Variants in CLPTM1L observed in about 807,000 individuals in gnomAD.
CLPTM1L encodes CLPTM1 like.
Under a neutral mutation model 70.9 loss-of-function variants are expected in CLPTM1L, and 38 were observed. That is an observed-to-expected ratio of 0.54 (90% confidence interval 0.41 to 0.70). CLPTM1L has a LOEUF of 0.70. Ranked by LOEUF, CLPTM1L falls within the 30% of genes least tolerant of loss-of-function variation. CLPTM1L has a pLI of 0.00. For missense variants in CLPTM1L, 652 were observed against 705.9 expected, an observed-to-expected ratio of 0.92 and a Z score of 0.87; for synonymous variants, 339 against 299.9, an observed-to-expected ratio of 1.13 and a Z score of -1.35.
At chr5:1,323,644 G>A (rs1032929554) in intron 12 of CLPTM1L, 143 bp downstream of exon 12, 5 of 656,420 alleles carry the variant, frequency 7.6e-6, no homozygotes, top group Non-Finnish European at 2.7e-6. Context: ...GTGTGCAGCT[G>A]CAGGGGCAGG....
intron 2 of CLPTM1L, 128 bp from the exon 3 acceptor site, chr5:1,341,988 C>G: frequency 1.4e-6 from 1 of 709,178 alleles, no homozygotes; most frequent in South Asian, 1.9e-5. Context: ...ATGAAACCCA[C>G]CTGCCCAGGG....
At chr5:1,328,827 GCATCCAGCTCCTCCTCTACAGACACATTT>G (rs1426441644) in intron 9 of CLPTM1L, among the ~76,000 whole-genome samples, 6 of 56,202 alleles carry the variant, frequency 1.1e-4, no homozygotes, top group Admixed American at 1.9e-4. Flanking sequence ...CAGACACATT[GCATCCAGCTCCTCCTCTACAGACACATTT>G]CATCCAGCTC....
rs1239770008 is a variant in CLPTM1L at position 1,326,709 on chromosome 5, C to T, written c.1081-893G>A. On this transcript the variant is annotated intron_variant, in intron 9 of 16. Transcript: ENST00000320895. ...CAGCTCCTCCTCTACGGGGACATTCCATCCAGCTCCTCCTCTACGGGGACA... is the reference window on the plus strand; with the variant it reads ...CAGCTCCTCCTCTACGGGGACATTCTATCCAGCTCCTCCTCTACGGGGACA... Among the ~76,000 whole-genome samples, 4 of 151,824 alleles carry T rather than the reference C, an allele frequency of 2.6e-5. 1 individual carries two copies. The highest frequency in any genetic ancestry group is 2.6e-4 in the Admixed American group (4 of 15,244).
intron 5 of CLPTM1L, among the ~76,000 whole-genome samples, chr5:1,336,929 T>C (rs1188856779): frequency 6.6e-6 from 1 of 152,142 alleles, no homozygotes; most frequent in Non-Finnish European, 1.5e-5. Context: ...TGCTCGCTTC[T>C]CCGTTTCCCA....
intron 16 of CLPTM1L, among the ~76,000 whole-genome samples, chr5:1,319,977 G>T (rs1752055797): frequency 6.6e-6 from 1 of 152,254 alleles, no homozygotes; most frequent in African/African-American, 2.4e-5. Flanking sequence ...GTCAGCCCTG[G>T]AGGGAAGCGG....
chr5:1,323,013 C>A, intron 12 of CLPTM1L, 102 bp from the exon 13 acceptor site: 1 of 1,177,826 alleles, frequency 8.5e-7, no homozygotes, highest in Non-Finnish European at 1.3e-6. Flanking sequence ...TCTGAAAATA[C>A]CCAGATGCTC....
chr5:1,341,366 T>A (rs1228916209), intron 3 of CLPTM1L, among the ~76,000 whole-genome samples: 1 of 152,188 alleles, frequency 6.6e-6, no homozygotes, highest in East Asian at 1.9e-4. Context: ...GGACCAGCGC[T>A]CCATCCCACC....
At chr5:1,335,989 G>A (rs56224111) in intron 5 of CLPTM1L, among the ~76,000 whole-genome samples, 2,731 of 152,358 alleles carry the variant, frequency 0.018, 38 homozygotes, top group Non-Finnish European at 0.028. Flanking sequence ...CGAGGGCTGT[G>A]CTCTAATCCA....
chr5:1,341,509 GC>G (rs1297813631), intron 3 of CLPTM1L, among the ~76,000 whole-genome samples, 161 bp downstream of exon 3: 1 of 152,236 alleles, frequency 6.6e-6, no homozygotes, highest in Non-Finnish European at 1.5e-5. Flanking sequence ...ATATGATTCA[GC>G]TGAAAGTCAG....
intron 11 of CLPTM1L, 74 bp downstream of exon 11, chr5:1,324,689 G>C: frequency 2.2e-6 from 3 of 1,350,788 alleles, no homozygotes; most frequent in Non-Finnish European, 3.2e-6. Context: ...ACTGAGCAAT[G>C]ACAGTAAAAG....
In CLPTM1L at chr5:1,318,745, T is replaced by C. The variant is rs972766403; in HGVS notation, c.1533-292A>G. 3.3e-5 allele frequency among the ~76,000 whole-genome samples: 5 copies of C among 152,238 alleles called. No individual in the cohort carries two copies. The highest frequency in any genetic ancestry group is 1.9e-4 in the East Asian group (1 of 5,166). On this transcript the variant is annotated intron_variant, in intron 16 of 16. Transcript: ENST00000320895. The surrounding 1 kb of genome is among the most constrained non-coding windows in gnomAD (Gnocchi z 8.9). ...ATGGCTGAAGGGGGGACCCGGAGGC[T>C]GCACGGGCTGCCTTCTGGGAACGGT...
chr5:1,326,818 G>GACATTTCATCCAGCTCCTCCTCGACAGAC (rs1561234271), intron 9 of CLPTM1L, among the ~76,000 whole-genome samples: 9 of 127,308 alleles, frequency 7.1e-5, no homozygotes, highest in Non-Finnish European at 1.5e-4. Context: ...CCCCTACAGG[G>GACATTTCATCCAGCTCCTCCTCGACAGAC]ACATTTCATC....
intron 7 of CLPTM1L, among the ~76,000 whole-genome samples, 182 bp downstream of exon 7, chr5:1,334,107 G>A (rs1251390235): frequency 3.3e-5 from 5 of 152,274 alleles, no homozygotes; most frequent in South Asian, 2.1e-4. Context: ...GGGAGAAACC[G>A]CCCACTGGGA....
In CLPTM1L at chr5:1,334,778, C is replaced by CA. The variant is rs1428427042; in HGVS notation, c.796+278dup. 3.9e-5 allele frequency among the ~76,000 whole-genome samples: 6 copies of CA among 152,002 alleles called. 1 individual carries two copies. The highest frequency in any genetic ancestry group is 7.3e-5 in the African/African-American group (3 of 41,364). On this transcript the variant is annotated intron_variant, in intron 6 of 16. Transcript: ENST00000320895. ...CAAAACAAACAAACAAACAAACAAA[C>CA]AAACAATAAAAATAAATCTCATCAA... is the stretch of plus-strand genomic sequence containing the variant.
chr5:1,339,508 G>T, intron 3 of CLPTM1L, among the ~76,000 whole-genome samples: 1 of 127,490 alleles, frequency 7.8e-6, no homozygotes. Flanking sequence ...CTGTGCCCGG[G>T]ACAGCAGGGT....
intron 2 of CLPTM1L, 137 bp downstream of exon 2, chr5:1,344,214 G>C: frequency 1.5e-6 from 1 of 682,972 alleles, no homozygotes; most frequent in Non-Finnish European, 2.6e-6. Flanking sequence ...CTCCAGTTAG[G>C]ATATTCTACC....
At chr5:1,332,268 G>A in intron 7 of CLPTM1L, 1 of 199,916 alleles carries the variant, frequency 5.0e-6, no homozygotes, top group Non-Finnish European at 1.0e-5. Context: ...GCTGGGCATG[G>A]TGGCCCATGC....
intron 12 of CLPTM1L, 48 bp downstream of exon 12, chr5:1,323,739 C>T (rs1452905454): frequency 3.3e-6 from 5 of 1,535,958 alleles, no homozygotes; most frequent in African/African-American, 1.4e-5. Context: ...ATCCAAATGG[C>T]TTTCTCAGGG....
At chr5:1,336,995 A>G (rs1308093231) in intron 5 of CLPTM1L, among the ~76,000 whole-genome samples, 1 of 152,194 alleles carries the variant, frequency 6.6e-6, no homozygotes, top group Non-Finnish European at 1.5e-5. Flanking sequence ...TTCCTCTTCA[A>G]CAAAAAAGGG....
Sources: gnomAD v4.1 joint callset for allele counts (sites outside exome capture counted in the v4.1 genomes callset) on GRCh38, gnomAD v4.1.1 for gene constraint, Gnocchi (gnomAD v3.1) non-coding constraint, MANE v1.5 for transcripts, NCBI Gene and HGNC (gene_info 2026-07-23, HGNC 2026-07-21) for gene names.